Variants in MRPS22 observed in about 807,000 individuals in gnomAD.
MRPS22 encodes the protein mitochondrial ribosomal protein S22.
MRPS22 carries 30 observed loss-of-function variants against 44.0 expected under a neutral mutation model. The observed-to-expected ratio is 0.68, with a 90% CI of 0.51 to 0.93. The LOEUF (loss-of-function observed/expected upper bound fraction) is 0.93. Among genes scored for constraint, MRPS22 ranks in the 40% least tolerant of loss-of-function variants. The probability of loss-of-function intolerance (pLI) is 0.00; values close to 1 mark genes in which losing one functional copy is unlikely to be tolerated. For synonymous variants in MRPS22, 165 were observed against 154.4 expected, an observed-to-expected ratio of 1.07 and a Z score of -0.51; for missense variants, 447 against 447.8, an observed-to-expected ratio of 1.00 and a Z score of 0.02.
Position 139,344,045 on chromosome 3 carries a change from A to T in MRPS22, c.19A>T (p.Thr7Ser), listed in dbSNP as rs764784443. 1 of 1,614,060 alleles carries T rather than the reference A, an allele frequency of 6.2e-7. No homozygotes were observed. Residue 7 changes from threonine (T) to serine (S), a missense_variant, in exon 1 of 8, where the codon ACT becomes TCT. Coordinates refer to ENST00000680020, the MANE Select transcript of MRPS22 (RefSeq NM_020191.4). ...GATAATCATGGCGCCCCTCGGAACAACTGTATTGCTGTGGAGCCTCTTGAG... is the reference window on the plus strand; with the variant it reads ...GATAATCATGGCGCCCCTCGGAACATCTGTATTGCTGTGGAGCCTCTTGAG... MAPLGT[T>S]VLLWSLLRSS...
In MRPS22 at chr3:139,351,065, G is replaced by A; in HGVS notation, c.732+5G>A. On this transcript the variant is annotated splice_donor_5th_base_variant and intron_variant, in intron 5 of 7. Transcript: ENST00000680020. ...GATTCCACAGAGTATATCAAGGTGAGTAGATTTTAGTTTCTAAAATATAGG... is the reference window on the plus strand; with the variant it reads ...GATTCCACAGAGTATATCAAGGTGAATAGATTTTAGTTTCTAAAATATAGG... The A allele has an allele frequency of 6.2e-7, 1 of 1,608,464 alleles. No homozygotes were observed. The highest frequency in any genetic ancestry group is 8.5e-7 in the Non-Finnish European group (1 of 1,174,818).
In MRPS22 at chr3:139,353,533, CTG is replaced by C. The variant is rs528365195; in HGVS notation, c.878+743_878+744del. On this transcript the variant is annotated intron_variant, in intron 6 of 7. Coordinates refer to ENST00000680020, the MANE Select transcript of MRPS22 (RefSeq NM_020191.4). Reference sequence around the variant, plus strand: ...TTTTGAGATTATTGCCACCTTCAGACTGTTAGTTTTTGACTCGCAGAGTATCC... The same window carrying C: ...TTTTGAGATTATTGCCACCTTCAGACTTAGTTTTTGACTCGCAGAGTATCC... 4.7e-4 allele frequency among the ~76,000 whole-genome samples: 72 copies of C among 152,324 alleles called. No individual in the cohort carries two copies. In the East Asian group the frequency reaches 0.014, roughly 29 times the overall value.
chr3:139,355,231 G>A (rs1941225086), intron 6 of MRPS22, among the ~76,000 whole-genome samples: 1 of 152,156 alleles, frequency 6.6e-6, no homozygotes, highest in African/African-American at 2.4e-5. Flanking sequence ...TCACTTAGAG[G>A]CAAGTGACTT....
chr3:139,343,995 AC>A (rs1354551405), upstream of MRPS22: 2 of 1,613,752 alleles, frequency 1.2e-6, no homozygotes, highest in South Asian at 1.1e-5. Flanking sequence ...ATCCCTCCCA[AC>A]CACTTCCGGC....
intron 1 of MRPS22, chr3:139,344,837 G>A (rs1253914413): frequency 3.1e-5 from 17 of 555,054 alleles, no homozygotes; most frequent in Non-Finnish European, 5.1e-5. Flanking sequence ...AGATGAAGAA[G>A]ATTAATTAAT....
intron 1 of MRPS22, among the ~76,000 whole-genome samples, chr3:139,344,997 T>G (rs1941011797): frequency 6.6e-6 from 1 of 152,042 alleles, no homozygotes; most frequent in African/African-American, 2.4e-5. Context: ...AAATATAAAG[T>G]GAGGAACATC....
rs374106540 is a variant in MRPS22 at position 139,355,656 on chromosome 3, A to G, written c.879-26A>G. 50 of 1,570,442 alleles carry G rather than the reference A, an allele frequency of 3.2e-5. 1 individual carries two copies. The East Asian group carries it at 3.8e-4, about 12-fold the overall frequency. The stretch of plus-strand genomic sequence containing the variant: ...TGAATCAAATGAAGAAAACCCCTAG[A>G]TAACATTAAACCCTTTCATTCTCAG... On this transcript the variant is annotated intron_variant, in intron 6 of 7. Coordinates refer to ENST00000680020, the MANE Select transcript of MRPS22 (RefSeq NM_020191.4).
rs11556242 is a variant in MRPS22, at chr3:139,350,268, A to G, written c.594A>G (p.Pro198=). The stretch of plus-strand genomic sequence containing the variant: ...ACCGAATGATACAAGTTTATTTCCC[A>G]AAAGAAGGTCGTAAAATTTTGACAC... ...ERDRMIQVYF[P]KEGRKILTPI... is the part of the protein sequence containing the mutation. Residue 198 remains proline (P), a synonymous_variant, in exon 4 of 8, where the codon CCA becomes CCG. Coordinates refer to ENST00000680020, the MANE Select transcript of MRPS22 (RefSeq NM_020191.4). 2 of 1,614,080 alleles carry G rather than the reference A, an allele frequency of 1.2e-6. No individual in the cohort carries two copies. Among genetic ancestry groups the G allele is most frequent in the Non-Finnish European group, 1.7e-6 (2 of 1,180,026 alleles).
chr3:139,344,931 T>G (rs1206659614), intron 1 of MRPS22, among the ~76,000 whole-genome samples: 1 of 152,124 alleles, frequency 6.6e-6, no homozygotes, highest in East Asian at 1.9e-4. Flanking sequence ...ATTAAACCTA[T>G]TTGGGACACA....
chr3:139,344,001 T>G, upstream of MRPS22: 1 of 1,614,108 alleles, frequency 6.2e-7, no homozygotes, highest in East Asian at 2.2e-5. Context: ...CCCAACCACT[T>G]CCGGCGCAAG....
intron 3 of MRPS22, among the ~76,000 whole-genome samples, chr3:139,349,920 A>C (rs1002939094): frequency 1.3e-5 from 2 of 152,220 alleles, no homozygotes; most frequent in African/African-American, 4.8e-5. Context: ...TTTCGTATCG[A>C]ACTCACGTTA....
chr3:139,350,716 G>A (rs887107244), intron 4 of MRPS22: 8 of 491,496 alleles, frequency 1.6e-5, no homozygotes, highest in East Asian at 7.9e-5. Flanking sequence ...GATTACAGGC[G>A]TGAGCCACCA....
intron 5 of MRPS22, 50 bp downstream of exon 5, chr3:139,351,110 A>T: frequency 7.4e-7 from 1 of 1,348,460 alleles, no homozygotes. Context: ...GGTTATGAGT[A>T]AGATTTTTAA....
chr3:139,350,593 A>G, intron 4 of MRPS22: 2 of 443,856 alleles, frequency 4.5e-6, no homozygotes, highest in Non-Finnish European at 8.3e-6. Context: ...ACGCTTGGCT[A>G]ATTTTTGTAT....
Position 139,355,679 on chromosome 3 carries a change from C to T in MRPS22, c.879-3C>T, listed in dbSNP as rs760360764. The T allele has an allele frequency of 5.0e-5, 81 of 1,612,558 alleles. No individual in the cohort carries two copies. Among genetic ancestry groups the T allele is most frequent in the Non-Finnish European group, 6.2e-5 (73 of 1,178,716 alleles). On this transcript the variant is annotated splice_polypyrimidine_tract_variant and splice_region_variant and intron_variant, in intron 6 of 7. Coordinates refer to ENST00000680020, the MANE Select transcript of MRPS22 (RefSeq NM_020191.4). ...AGATAACATTAAACCCTTTCATTCTCAGAATCGATGATGCAACCAACTTGG... is the reference window on the plus strand; with the variant it reads ...AGATAACATTAAACCCTTTCATTCTTAGAATCGATGATGCAACCAACTTGG...
intron 2 of MRPS22, 66 bp downstream of exon 2, chr3:139,347,110 C>T: frequency 2.6e-6 from 4 of 1,531,756 alleles, no homozygotes; most frequent in Non-Finnish European, 1.8e-6. Flanking sequence ...TTTCTAGAGG[C>T]CCCTCCAGAT....
chr3:139,350,508 A>C, intron 4 of MRPS22, 186 bp downstream of exon 4: 1 of 601,714 alleles, frequency 1.7e-6, no homozygotes, highest in Non-Finnish European at 2.8e-6. Flanking sequence ...GCTCACTGCA[A>C]CCTCCACCTT....
intron 6 of MRPS22, among the ~76,000 whole-genome samples, chr3:139,353,031 C>A (rs1941182170): frequency 6.6e-6 from 1 of 152,016 alleles, no homozygotes; most frequent in Non-Finnish European, 1.5e-5. Context: ...GTACTGTAAA[C>A]CCTCAATATT....
chr3:139,344,914 A>G (rs1318163710), intron 1 of MRPS22, among the ~76,000 whole-genome samples: 3 of 152,178 alleles, frequency 2.0e-5, no homozygotes, highest in Non-Finnish European at 4.4e-5. Flanking sequence ...ATGGGAAAGG[A>G]GGCGGAATTA....
Sources: gnomAD v4.1 joint callset for allele counts (sites outside exome capture counted in the v4.1 genomes callset) on GRCh38, gnomAD v4.1.1 for gene constraint, MANE v1.5 for transcripts, NCBI Gene and HGNC (gene_info 2026-07-23, HGNC 2026-07-21) for gene names.